Variants in CX3CR1 observed in about 807,000 individuals in gnomAD.
CX3CR1 encodes CX3C chemokine receptor 1.
For synonymous variants in CX3CR1, 168 were observed against 178.5 expected, an observed-to-expected ratio of 0.94 and a Z score of 0.47; for missense variants, 363 against 432.4, an observed-to-expected ratio of 0.84 and a Z score of 1.42.
upstream of CX3CR1, chr3:39,280,973 T>A (rs2040890539): frequency 2.0e-6 from 1 of 494,822 alleles, no homozygotes; most frequent in Non-Finnish European, 2.6e-6. Context: ...CATTAAATGG[T>A]CTGTGACCCC....
At chr3:39,276,987 A>G (rs1295214001) in intron 1 of CX3CR1, among the ~76,000 whole-genome samples, 1 of 152,160 alleles carries the variant, frequency 6.6e-6, no homozygotes, top group Non-Finnish European at 1.5e-5. Context: ...AATGTGGGAA[A>G]TTAAATCTAA....
At chr3:39,281,868 C>G (rs532873729), upstream of CX3CR1, 70 of 591,102 alleles carry the variant, frequency 1.2e-4, no homozygotes, top group Non-Finnish European at 2.1e-4. Context: ...TTAAAGCTAA[C>G]GGCTATGTTC....
At chr3:39,281,580 C>G, upstream of CX3CR1, 1 of 1,583,276 alleles carries the variant, frequency 6.3e-7, no homozygotes, top group Non-Finnish European at 8.6e-7. Flanking sequence ...TAACCTTCTC[C>G]GTTCTCTGTC....
At chr3:39,290,374 G>T in the CX3CR1 span, among the ~76,000 whole-genome samples, 1 of 152,190 alleles carries the variant, frequency 6.6e-6, no homozygotes, top group East Asian at 1.9e-4. Flanking sequence ...GTTGTGGAGT[G>T]GTCTTCTTTG....
upstream of CX3CR1, chr3:39,281,471 G>A (rs962884192): frequency 3.4e-5 from 28 of 827,640 alleles, no homozygotes; most frequent in Non-Finnish European, 1.1e-5. Flanking sequence ...CCACACTCTT[G>A]ACGACAGTCT....
At chr3:39,287,972 TGA>T in the CX3CR1 span, 1 of 150,898 alleles carries the variant, frequency 6.6e-6, no homozygotes, top group African/African-American at 2.5e-5. Flanking sequence ...TGTGTGTGTG[TGA>T]GAGAGATGAT....
upstream of CX3CR1, among the ~76,000 whole-genome samples, chr3:39,282,541 G>A (rs1176221475): frequency 6.6e-6 from 1 of 152,188 alleles, no homozygotes; most frequent in East Asian, 1.9e-4. Flanking sequence ...AAGGCAGGAG[G>A]CCAGACAGAG....
intron 1 of CX3CR1, among the ~76,000 whole-genome samples, chr3:39,272,166 C>T (rs764140512): frequency 6.6e-6 from 1 of 152,228 alleles, no homozygotes; most frequent in Admixed American, 6.5e-5. Flanking sequence ...AAGGCATCAT[C>T]AACTAAGGCT....
upstream of CX3CR1, among the ~76,000 whole-genome samples, chr3:39,282,387 C>T (rs965028774): frequency 3.3e-5 from 5 of 152,312 alleles, no homozygotes; most frequent in Middle Eastern, 3.4e-3. Flanking sequence ...CTGCCCAGCC[C>T]CTTTGGCTTC....
At chr3:39,279,138 A>G (rs896506012) in intron 1 of CX3CR1, among the ~76,000 whole-genome samples, 3 of 152,190 alleles carry the variant, frequency 2.0e-5, no homozygotes, top group East Asian at 1.9e-4. Flanking sequence ...AGCTTAGGCA[A>G]CAAGAGCAAA....
At chr3:39,290,814 A>G in the CX3CR1 span, among the ~76,000 whole-genome samples, 1 of 151,906 alleles carries the variant, frequency 6.6e-6, no homozygotes, top group African/African-American at 2.4e-5. Flanking sequence ...CCAGCTACTC[A>G]GAAGGCTGAG....
Position 39,266,222 on chromosome 3 carries a change from G to C in CX3CR1, c.288C>G (p.Gly96=), listed in dbSNP as rs191479599. ...FWTHYLINEK[G]LHNAMCKFTT... The stretch of plus-strand genomic sequence containing the variant: ...TGAATTTGCACATGGCATTGTGGAG[G>C]CCCTTTTCATTTATCAAATAGTGAG... Residue 96 remains glycine, a synonymous_variant, in exon 2 of 2, where the codon GGC becomes GGG. Coordinates refer to ENST00000399220, the MANE Select transcript of CX3CR1 (RefSeq NM_001337.4). 39 of 1,614,222 alleles carry C rather than the reference G, an allele frequency of 2.4e-5. 1 individual carries two copies. In the Admixed American group the frequency reaches 5.8e-4, roughly 24 times the overall value.
chr3:39,283,759 G>A (rs1173352724), upstream of CX3CR1, among the ~76,000 whole-genome samples: 6 of 124,160 alleles, frequency 4.8e-5, no homozygotes, highest in African/African-American at 1.2e-4. Flanking sequence ...CAGCCTGGGC[G>A]AAAGAGCGAG....
At chr3:39,270,422 C>T (rs77830957) in intron 1 of CX3CR1, among the ~76,000 whole-genome samples, 2,396 of 152,248 alleles carry the variant, frequency 0.016, 54 homozygotes, top group African/African-American at 0.055. Flanking sequence ...GATCAAAGCA[C>T]GATAAGTCCA....
the CX3CR1 span, among the ~76,000 whole-genome samples, chr3:39,291,442 C>T: frequency 6.6e-6 from 1 of 152,176 alleles, no homozygotes; most frequent in East Asian, 1.9e-4. Flanking sequence ...CCATACGCTC[C>T]CTCTTTCCCC....
At chr3:39,281,296 A>G, upstream of CX3CR1, 1 of 1,090,214 alleles carries the variant, frequency 9.2e-7, no homozygotes, top group Non-Finnish European at 1.1e-6. Context: ...CTCCCCATCC[A>G]CTTTCTGACA....
upstream of CX3CR1, chr3:39,281,419 T>C (rs1407237966): frequency 4.1e-6 from 3 of 734,392 alleles, no homozygotes; most frequent in Non-Finnish European, 6.3e-6. Flanking sequence ...TTCTGAGGGC[T>C]CCTTTCTTGG....
chr3:39,283,306 T>C (rs915942322), upstream of CX3CR1, among the ~76,000 whole-genome samples: 1 of 152,196 alleles, frequency 6.6e-6, no homozygotes, highest in Non-Finnish European at 1.5e-5. Context: ...TATTTGAACT[T>C]AGCATTGAGG....
chr3:39,281,620 T>C, upstream of CX3CR1: 2 of 1,594,440 alleles, frequency 1.3e-6, no homozygotes, highest in Non-Finnish European at 8.5e-7. Flanking sequence ...CCACTGGCCA[T>C]TCTCCACCCA....
Sources: gnomAD v4.1 joint callset for allele counts (sites outside exome capture counted in the v4.1 genomes callset) on GRCh38, gnomAD v4.1.1 for gene constraint, MANE v1.5 for transcripts, NCBI Gene and HGNC (gene_info 2026-07-23, HGNC 2026-07-21) for gene names.